The following ECI1 variants were observed in gnomAD, a reference collection of about 807,000 sequenced individuals.
ECI1 encodes enoyl-CoA delta isomerase 1, mitochondrial.
A neutral mutation model predicts 34.2 loss-of-function variants in ECI1; 34 were observed. The ratio of observed to expected loss-of-function variants is 1.00; its 90% CI spans 0.76 to 1.33. ECI1 has a LOEUF of 1.33. ECI1 is among the 40% of genes most tolerant of loss of function. The pLI is 0.00. For synonymous variants in ECI1, 211 were observed against 193.0 expected (o/e 1.09, Z -0.77); for missense variants, 456 against 422.2 (o/e 1.08, Z -0.70).
intron 2 of ECI1, among the ~76,000 whole-genome samples, chr16:2,249,252 T>C (rs2093547227): frequency 6.6e-6 from 1 of 151,718 alleles, no homozygotes; most frequent in Non-Finnish European, 1.5e-5. Context: ...GGTTTCACCG[T>C]GTTAGCCAGA....
chr16:2,245,343 G>A (rs1276014677), intron 3 of ECI1, among the ~76,000 whole-genome samples: 1 of 152,252 alleles, frequency 6.6e-6, no homozygotes, highest in Non-Finnish European at 1.5e-5. Flanking sequence ...CTGGGTGGAT[G>A]TTTACCCCGC....
chr16:2,239,682 T>C lies in ECI1; in HGVS notation c.*297A>G. 4.5e-6 allele frequency: 2 copies of C among 441,280 alleles called. No homozygotes were observed. Among genetic ancestry groups the C allele is most frequent in the Non-Finnish European group, 8.4e-6 (2 of 236,798 alleles). 27.3% of individuals were successfully genotyped at this position (441,280 alleles called of 1,614,324 possible). ...CAGGGACTTGACTTACGATTCTGCC[T>C]TGGGAACAGAGACACTCCGTGGCAA... On this transcript the variant is annotated 3_prime_UTR_variant, in exon 7 of 7. Transcript: ENST00000301729.
chr16:2,249,747 G>A (rs955403476), intron 2 of ECI1, among the ~76,000 whole-genome samples: 45 of 151,190 alleles, frequency 3.0e-4, no homozygotes, highest in South Asian at 2.1e-4. Flanking sequence ...GCGTGGTGGC[G>A]GGCGCCTGTA....
In ECI1 at chr16:2,251,324, G is replaced by A. The variant is rs1351952728; in HGVS notation, c.158C>T (p.Ala53Val). The change falls in exon 2 of 7, where the codon GCG becomes GTG. Residue 53 changes from alanine (A) to valine (V), a missense_variant. Transcript: ENST00000301729. ...CGGCGCCGCCCGCTCACCTGCGCCCGCGTCCGGCTCCACCAGCACCCGCTG... is the reference window on the plus strand; with the variant it reads ...CGGCGCCGCCCGCTCACCTGCGCCCACGTCCGGCTCCACCAGCACCCGCTG... ...GSQRVLVEPD[A>V]GAGVAVMKFK... 4.1e-6 allele frequency: 5 copies of A among 1,221,524 alleles called. No homozygotes were observed. Among genetic ancestry groups the A allele is most frequent in the South Asian group, 6.0e-5 (2 of 33,350 alleles). 75.7% of individuals were successfully genotyped at this position (1,221,524 alleles called of 1,614,324 possible).
At chr16:2,249,412 T>C (rs2093547573) in intron 2 of ECI1, among the ~76,000 whole-genome samples, 1 of 152,092 alleles carries the variant, frequency 6.6e-6, no homozygotes, top group South Asian at 2.1e-4. Context: ...TGAATATACT[T>C]ACGGCCACGG....
intron 1 of ECI1, 32 bp from the exon 2 acceptor site, chr16:2,251,461 T>A: frequency 6.6e-7 from 1 of 1,525,794 alleles, no homozygotes. Context: ...GCCCGTTAGT[T>A]CCCGGTCCTG....
In ECI1 at chr16:2,244,515, G is replaced by C; in HGVS notation, c.332C>G (p.Thr111Arg). 2 of 1,601,050 alleles carry C rather than the reference G, an allele frequency of 1.2e-6. No individual in the cohort carries two copies. The highest frequency in any genetic ancestry group is 1.7e-6 in the Non-Finnish European group (2 of 1,174,706). ...PGVFSAGLDLTEMCGRSPAHY... is the reference protein window; with the variant it reads ...PGVFSAGLDLREMCGRSPAHY... Reference sequence around the variant, plus strand: ...GGCGGGGCTCCTCCCACACATCTCCGTCAGGTCCAGGCCGGCCGAGAAGAC... The same window carrying C: ...GGCGGGGCTCCTCCCACACATCTCCCTCAGGTCCAGGCCGGCCGAGAAGAC... Residue 111 changes from threonine (T) to arginine (R), a missense_variant, in exon 4 of 7, where the codon ACG becomes AGG. Thr to Arg is a moderately conservative substitution (Grantham distance 71). Transcript: ENST00000301729.
intron 2 of ECI1, among the ~76,000 whole-genome samples, chr16:2,248,883 C>T (rs974213298): frequency 3.3e-5 from 5 of 152,120 alleles, no homozygotes; most frequent in Admixed American, 2.6e-4. Context: ...CCCTGGAAGC[C>T]GCCAGTCTGC....
intron 2 of ECI1, among the ~76,000 whole-genome samples, chr16:2,251,110 G>A (rs1319302447): frequency 3.9e-5 from 6 of 152,234 alleles, no homozygotes; most frequent in Non-Finnish European, 7.3e-5. Flanking sequence ...GTGAGCCACC[G>A]CGCCCGGCCT....
rs1212585380 is a variant in ECI1, at chr16:2,246,832, G to C, written c.294+27C>G. 3.1e-6 allele frequency: 5 copies of C among 1,611,428 alleles called. No individual in the cohort carries two copies. In the Admixed American group the frequency reaches 5.0e-5, roughly 16 times the overall value. The stretch of plus-strand genomic sequence containing the variant: ...AGAACTCAGGCCAAGAACTCGGGCT[G>C]GGGTAGGGAGCTGAACTAGCACCTA... On this transcript the variant is annotated intron_variant, in intron 3 of 6. Transcript: ENST00000301729.
Position 2,239,827 on chromosome 16 carries a change from T to G in ECI1, c.*152A>C. 1.2e-6 allele frequency: 1 copy of G among 827,568 alleles called. No homozygotes were observed. Among genetic ancestry groups the G allele is most frequent in the East Asian group, 2.6e-5 (1 of 38,650 alleles). 51.3% of individuals were successfully genotyped at this position (827,568 alleles called of 1,614,324 possible). A position where few individuals can be genotyped will look rare whatever the true frequency, so the allele number is the denominator to read the frequency against. On this transcript the variant is annotated 3_prime_UTR_variant, in exon 7 of 7. Coordinates refer to ENST00000301729, the MANE Select transcript of ECI1 (RefSeq NM_001919.4). ...ATGTGTGTTTGTGTGTGGCTGGGCCTTGGGCCACTGGGCTATGAGGAACAG... is the reference window on the plus strand; with the variant it reads ...ATGTGTGTTTGTGTGTGGCTGGGCCGTGGGCCACTGGGCTATGAGGAACAG...
intron 4 of ECI1, 173 bp downstream of exon 4, chr16:2,244,233 C>T (rs1460774776): frequency 2.5e-6 from 2 of 791,434 alleles, no homozygotes; most frequent in Admixed American, 2.2e-5. Context: ...CCGAGGCCCA[C>T]CTTTCTCAAC....
intron 3 of ECI1, 26 bp downstream of exon 3, chr16:2,246,833 G>A: frequency 6.2e-7 from 1 of 1,611,554 alleles, no homozygotes; most frequent in South Asian, 1.1e-5. Flanking sequence ...ACTCGGGCTG[G>A]GGTAGGGAGC....
intron 2 of ECI1, among the ~76,000 whole-genome samples, chr16:2,247,969 A>G (rs887873506): frequency 1.3e-5 from 2 of 152,138 alleles, no homozygotes; most frequent in African/African-American, 2.4e-5. Flanking sequence ...TCAGGCTCCC[A>G]AAGTGCTAGA....
chr16:2,245,266 C>A (rs2093537639), intron 3 of ECI1, among the ~76,000 whole-genome samples: 4 of 152,248 alleles, frequency 2.6e-5, no homozygotes, highest in Admixed American at 2.6e-4. Flanking sequence ...GGGCCAGACC[C>A]CCCAAGGCTG....
chr16:2,244,534 A>G lies in ECI1; in HGVS notation c.313T>C (p.Ser105Pro). The change falls in exon 4 of 7, where the codon TCG becomes CCG. Residue 105 changes from serine (S) to proline (P), a missense_variant. Coordinates refer to ENST00000301729, the MANE Select transcript of ECI1 (RefSeq NM_001919.4). ...ATCTCCGTCAGGTCCAGGCCGGCCG[A>G]GAAGACACCCGGGCGGTCCTGCAGG... ...ILTSDRPGVF[S>P]AGLDLTEMCG... 1 of 1,591,970 alleles carries G rather than the reference A, an allele frequency of 6.3e-7. No homozygotes were observed.
Position 2,240,024 on chromosome 16 carries a change from C to A in ECI1, c.864G>T (p.Lys288Asn), listed in dbSNP as rs1248878164. 1 of 1,613,980 alleles carries A rather than the reference C, an allele frequency of 6.2e-7. No individual in the cohort carries two copies. The highest frequency in any genetic ancestry group is 1.1e-5 in the South Asian group (1 of 91,090). ...VSFISKDSIQ[K>N]SLQMYLERLK... is the part of the protein sequence containing the mutation. ...GCCTCTCTAAGTACATCTGCAGGGA[C>A]TTCTGGATGGAGTCTTTGGAGATGA... The change falls in exon 7 of 7, where the codon AAG becomes AAT. Residue 288 changes from lysine to asparagine, a missense_variant. By Grantham distance (94) the Lys-to-Asn change is moderately conservative. Coordinates refer to ENST00000301729, the MANE Select transcript of ECI1 (RefSeq NM_001919.4).
intron 2 of ECI1, among the ~76,000 whole-genome samples, chr16:2,247,959 T>C (rs2093544119): frequency 6.6e-6 from 1 of 152,160 alleles, no homozygotes; most frequent in Admixed American, 6.5e-5. Flanking sequence ...TCCTTCTGCC[T>C]CAGGCTCCCA....
intron 6 of ECI1, 180 bp downstream of exon 6, chr16:2,242,866 T>G (rs1334246383): frequency 1.6e-6 from 1 of 630,940 alleles, no homozygotes; most frequent in Non-Finnish European, 2.9e-6. Flanking sequence ...CACCGTGAGA[T>G]GAGCTTCTGC....
Sources: allele counts gnomAD v4.1 joint callset (sites outside exome capture counted in the v4.1 genomes callset), GRCh38; gene constraint gnomAD v4.1.1; transcripts MANE v1.5; gene names NCBI Gene and HGNC (gene_info 2026-07-23, HGNC 2026-07-21).